GALNT10: variants seen among roughly 807,000 people sequenced by gnomAD.
GALNT10 encodes GalNAc transferase 10.
GALNT10 carries 41 observed loss-of-function variants against 75.0 expected under a neutral mutation model. That is an observed-to-expected ratio of 0.55 (90% CI 0.43 to 0.71). The LOEUF (loss-of-function observed/expected upper bound fraction) is 0.71, where lower values mean the gene tolerates loss of function less well. GALNT10 is among the 30% of genes least tolerant of loss of function. The probability of loss-of-function intolerance (pLI) is 0.00; values close to 1 mark genes in which losing one functional copy is unlikely to be tolerated. For synonymous variants in GALNT10, 302 were observed against 313.0 expected (o/e 0.96, Z 0.37); for missense variants, 727 against 818.5 (o/e 0.89, Z 1.36).
rs544051571 is a variant in GALNT10 at position 154,214,191 on chromosome 5, T to G, written c.159+23166T>G. Among the ~76,000 whole-genome samples, 109 of 152,142 alleles carry G rather than the reference T, an allele frequency of 7.2e-4. 2 individuals carry two copies. In the South Asian group the frequency reaches 0.021, roughly 30 times the overall value. On this transcript the variant is annotated intron_variant, in intron 1 of 11. Transcript: ENST00000297107. ...CATTTTTGAGAAAAATTGGTTTTGATCTGAATTCTGAGGACCAAAACAGCC... is the reference window on the plus strand; with the variant it reads ...CATTTTTGAGAAAAATTGGTTTTGAGCTGAATTCTGAGGACCAAAACAGCC...
chr5:154,311,604 G>C (rs1470858853), intron 3 of GALNT10, among the ~76,000 whole-genome samples: 1 of 150,900 alleles, frequency 6.6e-6, no homozygotes, highest in African/African-American at 2.4e-5. Flanking sequence ...GTCTCACAGA[G>C]AATGGAGACT....
At position 154,248,085 on chromosome 5, in the gene GALNT10, G is replaced by A. The variant is rs573029085; in HGVS notation, c.160-46731G>A. 6.5e-4 allele frequency among the ~76,000 whole-genome samples: 99 copies of A among 151,446 alleles called. 1 individual carries two copies. In the South Asian group the frequency reaches 0.012, roughly 18 times the overall value. ...TTGAGATAATCATGTGGTTTTTGTC[G>A]TTGATTCTATTTATATGCTGGATTA... is the stretch of plus-strand genomic sequence containing the variant. On this transcript the variant is annotated intron_variant, in intron 1 of 11. Transcript: ENST00000297107.
intron 1 of GALNT10, among the ~76,000 whole-genome samples, chr5:154,242,320 T>C (rs1753349439): frequency 1.3e-5 from 2 of 152,146 alleles, no homozygotes; most frequent in South Asian, 2.1e-4. Flanking sequence ...TTGAACCTCC[T>C]GAGGCCGCAC....
At chr5:154,286,931 C>A (rs1455254012) in intron 1 of GALNT10, among the ~76,000 whole-genome samples, 3 of 152,118 alleles carry the variant, frequency 2.0e-5, no homozygotes, top group African/African-American at 7.2e-5. Flanking sequence ...ACAGCTTGGT[C>A]CTGGTTATAG....
chr5:154,350,930 C>G lies in GALNT10; in HGVS notation c.568+21192C>G, dbSNP rs1024415912. Among the ~76,000 whole-genome samples the G allele has an allele frequency of 5.0e-4, 76 of 152,112 alleles. 1 individual carries two copies. Among genetic ancestry groups the G allele is most frequent in the Admixed American group, 4.8e-3 (73 of 15,266 alleles). On this transcript the variant is annotated intron_variant, in intron 4 of 11. Coordinates refer to ENST00000297107, the MANE Select transcript of GALNT10 (RefSeq NM_198321.4). ...CTCGTTAAAACCTGGTTTGCTGGGT[C>G]CCCCCACTTGTAGTTTCTGATTCAG...
At chr5:154,304,425 C>A (rs1385556505) in intron 3 of GALNT10, among the ~76,000 whole-genome samples, 1 of 152,082 alleles carries the variant, frequency 6.6e-6, no homozygotes, top group Non-Finnish European at 1.5e-5. Context: ...GAGGAGAATT[C>A]TTGTTGTAAA....
Position 154,191,446 on chromosome 5 carries a change from C to A in GALNT10, c.159+421C>A, listed in dbSNP as rs1225190649. On this transcript the variant is annotated intron_variant, in intron 1 of 11. Transcript: ENST00000297107. ...GCTTCCCTCCTCCCACCCCCCCCCC[C>A]CCACAACCCCTACCTGCTGATCCCA... Among the ~76,000 whole-genome samples the A allele has an allele frequency of 9.0e-5, 7 of 77,824 alleles. No individual in the cohort carries two copies. The South Asian group carries it at 1.6e-3, about 17-fold the overall frequency. 51.1% of individuals were successfully genotyped at this position (77,824 alleles called of 152,430 possible). A position where few individuals can be genotyped will look rare whatever the true frequency, so the allele number is the denominator to read the frequency against.
intron 1 of GALNT10, among the ~76,000 whole-genome samples, chr5:154,198,525 C>T (rs1774979585): frequency 6.6e-6 from 1 of 152,178 alleles, no homozygotes; most frequent in South Asian, 2.1e-4. Context: ...GCACAGGGTT[C>T]AGAAGAACTG....
chr5:154,245,112 G>A (rs1753400118), intron 1 of GALNT10, among the ~76,000 whole-genome samples: 1 of 152,206 alleles, frequency 6.6e-6, no homozygotes, highest in South Asian at 2.1e-4. Flanking sequence ...TGGAAAGCAG[G>A]CTGGAATGGA....
At chr5:154,285,303 T>G (rs1754095701) in intron 1 of GALNT10, among the ~76,000 whole-genome samples, 1 of 152,186 alleles carries the variant, frequency 6.6e-6, no homozygotes. Flanking sequence ...TCTCTCTTCT[T>G]TCTTGACTAT....
At chr5:154,283,196 C>T (rs1401058207) in intron 1 of GALNT10, among the ~76,000 whole-genome samples, 1 of 148,740 alleles carries the variant, frequency 6.7e-6, no homozygotes, top group African/African-American at 2.5e-5. Flanking sequence ...GTAATCTCAG[C>T]ACTTTGGGAG....
chr5:154,276,940 A>G (rs1468616974), intron 1 of GALNT10, among the ~76,000 whole-genome samples: 2 of 152,156 alleles, frequency 1.3e-5, no homozygotes, highest in African/African-American at 2.4e-5. Flanking sequence ...TTCTGTTTCT[A>G]TTTTGGCACC....
intron 3 of GALNT10, among the ~76,000 whole-genome samples, chr5:154,316,877 C>T (rs1216527807): frequency 1.3e-5 from 2 of 152,236 alleles, no homozygotes; most frequent in African/African-American, 4.8e-5. Flanking sequence ...GCCCCATGCC[C>T]TTCCTGGGAT....
intron 3 of GALNT10, among the ~76,000 whole-genome samples, chr5:154,324,143 T>C (rs545287248): frequency 1.3e-5 from 2 of 152,350 alleles, no homozygotes; most frequent in South Asian, 2.1e-4. Flanking sequence ...TTCAGGCTCA[T>C]TGTGTGTAAC....
At chr5:154,264,107 G>A (rs1052416059) in intron 1 of GALNT10, among the ~76,000 whole-genome samples, 3 of 152,122 alleles carry the variant, frequency 2.0e-5, no homozygotes, top group Non-Finnish European at 4.4e-5. Flanking sequence ...GAGGCCAGGA[G>A]TTGGAGACCA....
At chr5:154,405,995 T>G (rs1756273634) in intron 8 of GALNT10, 1 of 151,436 alleles carries the variant, frequency 6.6e-6, no homozygotes, top group African/African-American at 2.4e-5. Context: ...CTTATAAAAA[T>G]TCCCTTCGAG....
chr5:154,210,882 G>A (rs1251900867), intron 1 of GALNT10, among the ~76,000 whole-genome samples: 1 of 152,166 alleles, frequency 6.6e-6, no homozygotes, highest in Non-Finnish European at 1.5e-5. Context: ...GCACACTGAA[G>A]AATTTAGGAA....
rs549615789 is a variant in GALNT10 at position 154,224,778 on chromosome 5, C to CTTT, written c.159+33771_159+33773dup. Among the ~76,000 whole-genome samples the CTTT allele has an allele frequency of 1.0e-3, 119 of 117,562 alleles. 2 individuals carry two copies. Among genetic ancestry groups the CTTT allele is most frequent in the East Asian group, 1.8e-3 (7 of 3,828 alleles). The allele number at this position is 117,562 out of a possible 152,430, so 77.1% of individuals were successfully genotyped here. ...GTCTCTGTCTACAAGAAGCTCACTT[C>CTTT]TTTTTTTTTTTTTTTTTTTTGAGAT... On this transcript the variant is annotated intron_variant, in intron 1 of 11. Coordinates refer to ENST00000297107, the MANE Select transcript of GALNT10 (RefSeq NM_198321.4).
At chr5:154,394,343 A>ATT (rs35488501) in intron 7 of GALNT10, among the ~76,000 whole-genome samples, 172 of 141,276 alleles carry the variant, frequency 1.2e-3, no homozygotes, top group African/African-American at 3.8e-3. Flanking sequence ...AAAAACTCTG[A>ATT]TTTTTTTTTT....
Sources: gnomAD v4.1 joint callset for allele counts (sites outside exome capture counted in the v4.1 genomes callset) on GRCh38, gnomAD v4.1.1 for gene constraint, MANE v1.5 for transcripts, NCBI Gene and HGNC (gene_info 2026-07-23, HGNC 2026-07-21) for gene names.